USP50: variants seen among roughly 807,000 people sequenced by gnomAD.
USP50 encodes ubiquitin specific peptidase 50.
USP50 carries 37 observed loss-of-function variants against 39.2 expected under a neutral mutation model. That is an observed-to-expected ratio of 0.94 (90% CI 0.73 to 1.24). USP50 has a LOEUF of 1.24. Ranked by LOEUF, USP50 falls within the 50% of genes most tolerant of loss-of-function variation. The pLI, the probability that USP50 is intolerant of heterozygous loss-of-function variation, is 0.00. For missense variants in USP50, 374 were observed against 398.2 expected (o/e 0.94, Z 0.52); for synonymous variants, 139 against 144.5 (o/e 0.96, Z 0.27).
rs879929075 is a variant in USP50 at position 50,525,697 on chromosome 15, G to GTA, written c.936+4098_936+4099dup. 1.1e-4 allele frequency among the ~76,000 whole-genome samples: 12 copies of GTA among 106,930 alleles called. 1 individual carries two copies. The highest frequency in any genetic ancestry group is 8.8e-4 in the Admixed American group (8 of 9,100). 70.2% of individuals were successfully genotyped at this position (106,930 alleles called of 152,430 possible). A position where few individuals can be genotyped will look rare whatever the true frequency, so the allele number is the denominator to read the frequency against. ...ATATATGTATATTATATATGTATAT[G>GTA]TATATATATGTATATATGTATATGT... On this transcript the variant is annotated intron_variant, in intron 6 of 6. Coordinates refer to ENST00000532404, the MANE Select transcript of USP50 (RefSeq NM_203494.5).
At chr15:50,543,930 A>C (rs889588059) in intron 2 of USP50, 137 bp from the exon 3 acceptor site, 2 of 770,646 alleles carry the variant, frequency 2.6e-6, no homozygotes, top group African/African-American at 3.5e-5. Context: ...TGGGAGGCCA[A>C]TGCAGGAGGA....
At chr15:50,530,309 A>G (rs1306481345) in intron 5 of USP50, among the ~76,000 whole-genome samples, 1 of 151,734 alleles carries the variant, frequency 6.6e-6, no homozygotes, top group Non-Finnish European at 1.5e-5. Context: ...CTGGCCTGGC[A>G]AGGTGGCTCA....
intron 6 of USP50, among the ~76,000 whole-genome samples, chr15:50,525,570 A>G (rs1433753586): frequency 6.1e-5 from 4 of 65,692 alleles, no homozygotes; most frequent in Admixed American, 1.5e-4. Context: ...ATATGTATAT[A>G]TGTATATGTA....
chr15:50,527,996 A>G (rs1213181502), intron 6 of USP50, among the ~76,000 whole-genome samples: 1 of 151,902 alleles, frequency 6.6e-6, no homozygotes. Context: ...TTCTAAACAC[A>G]GTTCTCTTTC....
chr15:50,531,162 T>C (rs970612193), intron 5 of USP50, among the ~76,000 whole-genome samples: 2 of 152,148 alleles, frequency 1.3e-5, no homozygotes, highest in African/African-American at 4.8e-5. Flanking sequence ...CAAGATACCC[T>C]GTTTTCAAAA....
chr15:50,520,022 T>G (rs1181289835), intron 6 of USP50, among the ~76,000 whole-genome samples: 1 of 151,746 alleles, frequency 6.6e-6, no homozygotes, highest in Admixed American at 6.6e-5. Flanking sequence ...AGATACGAGC[T>G]GGCCATAGTA....
Position 50,495,482 on chromosome 15 carries a change from T to TGGG in USP50, n.185-1353_185-1352insCCC, listed in dbSNP as rs1555392675. On this transcript the variant is annotated intron_variant and non_coding_transcript_variant, in intron 1 of 1. Coordinates refer to the USP50 transcript ENST00000560159. Reference sequence around the variant, plus strand: ...TAGCTTTTTCTTTTTTTAGTAGAGATTGGAGGGGGGGGTCTCACTATGTTG... The same window carrying TGGG: ...TAGCTTTTTCTTTTTTTAGTAGAGATGGGTGGAGGGGGGGGTCTCACTATGTTG... 2.7e-3 allele frequency among the ~76,000 whole-genome samples: 285 copies of TGGG among 104,664 alleles called. 2 individuals are homozygous for TGGG. Among genetic ancestry groups the TGGG allele is most frequent in the African/African-American group, 8.9e-3 (278 of 31,256 alleles). 68.7% of individuals were successfully genotyped at this position (104,664 alleles called of 152,430 possible). A position where few individuals can be genotyped will look rare whatever the true frequency, so the allele number is the denominator to read the frequency against.
chr15:50,530,754 T>C (rs1010664221), intron 5 of USP50, among the ~76,000 whole-genome samples: 4 of 152,132 alleles, frequency 2.6e-5, no homozygotes, highest in Non-Finnish European at 5.9e-5. Context: ...AAACTGAATC[T>C]AGCAGGGCAA....
downstream of USP50, chr15:50,498,750 A>C: frequency 6.3e-7 from 1 of 1,579,278 alleles, no homozygotes; most frequent in African/African-American, 1.4e-5. Context: ...TTTGAACTGA[A>C]GACTTTTTGT....
chr15:50,540,353 G>A (rs1044447981), intron 4 of USP50, among the ~76,000 whole-genome samples: 5 of 152,150 alleles, frequency 3.3e-5, no homozygotes, highest in South Asian at 2.1e-4. Context: ...TCAAGTCTAA[G>A]AGTCTAGAAT....
chr15:50,523,175 C>CTGTTTTTTTTTT (rs2052863842), intron 6 of USP50, among the ~76,000 whole-genome samples: 1 of 104,208 alleles, frequency 9.6e-6, no homozygotes, highest in Non-Finnish European at 1.8e-5. Flanking sequence ...AAATCAGTAG[C>CTGTTTTTTTTTT]TTTTTTTTTT....
intron 6 of USP50, chr15:50,511,577 T>G (rs746432510): frequency 6.6e-6 from 1 of 152,260 alleles, no homozygotes; most frequent in African/African-American, 2.4e-5. Flanking sequence ...AATGGAATAT[T>G]ATTTGGCAAT....
chr15:50,512,160 A>C (rs1189387486), intron 6 of USP50: 1 of 151,900 alleles, frequency 6.6e-6, no homozygotes, highest in East Asian at 1.9e-4. Context: ...CAGCCTGGTC[A>C]ACATGGTGAA....
chr15:50,500,625 A>G lies in USP50; in HGVS notation c.*144T>C, dbSNP rs201177025. 90 of 674,928 alleles carry G rather than the reference A, an allele frequency of 1.3e-4. No individual in the cohort carries two copies. The East Asian group carries it at 2.5e-3, about 19-fold the overall frequency. The allele number at this position is 674,928 out of a possible 1,614,324, so 41.8% of individuals were successfully genotyped here. A position where few individuals can be genotyped will look rare whatever the true frequency, so the allele number is the denominator to read the frequency against. The stretch of plus-strand genomic sequence containing the variant: ...ACCAGATGCTGACTGCTTGTTTTGC[A>G]GTGTTCAGGAAACACCATTTTCCTG... On this transcript the variant is annotated 3_prime_UTR_variant, in exon 7 of 7. Transcript: ENST00000532404.
intron 2 of USP50, chr15:50,544,047 G>T (rs1280520398): frequency 2.2e-5 from 10 of 455,956 alleles, no homozygotes; most frequent in Non-Finnish European, 3.6e-5. Flanking sequence ...AAAAAAGGAT[G>T]CCAGGCTCAG....
At chr15:50,525,604 A>G (rs1325610518) in intron 6 of USP50, among the ~76,000 whole-genome samples, 1 of 139,252 alleles carries the variant, frequency 7.2e-6, no homozygotes, top group Non-Finnish European at 1.5e-5. Flanking sequence ...ATATATGTAT[A>G]TGTATATATG....
chr15:50,533,830 G>A (rs1486375114), intron 5 of USP50, among the ~76,000 whole-genome samples: 6 of 152,112 alleles, frequency 3.9e-5, no homozygotes, highest in East Asian at 1.9e-4. Flanking sequence ...GTGAAACCCC[G>A]TCTCTACCAA....
At chr15:50,504,706 G>C (rs527797059) in intron 6 of USP50, 1 of 152,224 alleles carries the variant, frequency 6.6e-6, no homozygotes, top group Non-Finnish European at 1.5e-5. Flanking sequence ...CGGACTGGGC[G>C]CGGTGGCTCA....
chr15:50,510,710 T>TATAC (rs1407734623), intron 6 of USP50: 3 of 152,102 alleles, frequency 2.0e-5, no homozygotes, highest in Non-Finnish European at 2.9e-5. Flanking sequence ...AATAAAAGTG[T>TATAC]ATACACTGCT....
Sources: allele counts gnomAD v4.1 joint callset (sites outside exome capture counted in the v4.1 genomes callset), GRCh38; gene constraint gnomAD v4.1.1; transcripts MANE v1.5; gene names NCBI Gene and HGNC (gene_info 2026-07-23, HGNC 2026-07-21).